CCNY: variants seen among roughly 807,000 people sequenced by gnomAD.
CCNY encodes cyclin-Y.
CCNY carries 19 observed loss-of-function variants against 42.8 expected under a neutral mutation model. The ratio of observed to expected loss-of-function variants is 0.44; its 90% confidence interval spans 0.31 to 0.65. CCNY has a LOEUF of 0.65. Among genes scored for constraint, CCNY ranks in the 30% least tolerant of loss-of-function variants. The pLI is 0.07. For missense variants in CCNY, 370 were observed against 437.3 expected (o/e 0.85, Z 1.37); for synonymous variants, 165 against 162.7 (o/e 1.01, Z -0.11).
At chr10:35,266,290 G>C (rs1339561074) in intron 3 of CCNY, among the ~76,000 whole-genome samples, 55 of 145,862 alleles carry the variant, frequency 3.8e-4, no homozygotes, top group African/African-American at 1.2e-3. Flanking sequence ...AGTAGAGATG[G>C]GGTTTCACTA....
At chr10:35,433,242 C>T (rs908905828) in intron 1 of CCNY, among the ~76,000 whole-genome samples, 1 of 152,100 alleles carries the variant, frequency 6.6e-6, no homozygotes, top group Non-Finnish European at 1.5e-5. Context: ...TTGATTATCT[C>T]CCTCCTCCTA....
intron 5 of CCNY, among the ~76,000 whole-genome samples, chr10:35,527,857 G>T (rs1366289822): frequency 2.0e-5 from 3 of 152,174 alleles, no homozygotes; most frequent in Non-Finnish European, 4.4e-5. Flanking sequence ...TGATAGACCT[G>T]TTAGCTTGAT....
chr10:35,452,281 T>A (rs919328159), intron 1 of CCNY, among the ~76,000 whole-genome samples: 13 of 152,204 alleles, frequency 8.5e-5, no homozygotes, highest in African/African-American at 2.9e-4. Flanking sequence ...CTGCAATTAC[T>A]AGTTTGTTCT....
upstream of CCNY, among the ~76,000 whole-genome samples, chr10:35,335,440 A>C (rs545827129): frequency 3.7e-4 from 56 of 152,298 alleles, 1 homozygote; most frequent in East Asian, 9.4e-3. Context: ...TTCAATATTA[A>C]AATAGCTCTG....
At chr10:35,440,947 G>C (rs1838653651) in intron 1 of CCNY, among the ~76,000 whole-genome samples, 1 of 152,166 alleles carries the variant, frequency 6.6e-6, no homozygotes, top group Non-Finnish European at 1.5e-5. Flanking sequence ...AAGTGTACCT[G>C]GGAAGTTAAG....
At chr10:35,337,767 T>G (rs1312877444) in intron 1 of CCNY, among the ~76,000 whole-genome samples, 1 of 152,092 alleles carries the variant, frequency 6.6e-6, no homozygotes, top group Non-Finnish European at 1.5e-5. Context: ...GAGTGGCGGT[T>G]CCAGGATTAG....
intron 1 of CCNY, among the ~76,000 whole-genome samples, chr10:35,472,948 C>G (rs945144842): frequency 6.6e-6 from 1 of 152,068 alleles, no homozygotes; most frequent in African/African-American, 2.4e-5. Context: ...AGTGGAGACT[C>G]AATGCATGTT....
intron 1 of CCNY, among the ~76,000 whole-genome samples, chr10:35,355,273 T>TTAAA (rs554041866): frequency 5.3e-4 from 81 of 152,342 alleles, no homozygotes; most frequent in African/African-American, 1.9e-3. Flanking sequence ...ATATATATTT[T>TTAAA]TAAAATCCAT....
At chr10:35,453,349 A>T (rs1838959891) in intron 1 of CCNY, among the ~76,000 whole-genome samples, 1 of 152,242 alleles carries the variant, frequency 6.6e-6, no homozygotes, top group South Asian at 2.1e-4. Flanking sequence ...TTTGATCACT[A>T]CATAATTTTT....
intron 3 of CCNY, among the ~76,000 whole-genome samples, chr10:35,322,596 C>T (rs1473180963): frequency 6.6e-6 from 1 of 152,150 alleles, no homozygotes; most frequent in African/African-American, 2.4e-5. Context: ...AAAATAGTCA[C>T]ACAACACATA....
chr10:35,458,815 G>C (rs1442923284), intron 1 of CCNY, among the ~76,000 whole-genome samples: 1 of 152,164 alleles, frequency 6.6e-6, no homozygotes, highest in Non-Finnish European at 1.5e-5. Flanking sequence ...CCCCTTTCAG[G>C]GAACCAAGGC....
intron 3 of CCNY, among the ~76,000 whole-genome samples, chr10:35,252,691 G>A (rs1565052528): frequency 6.6e-6 from 1 of 151,880 alleles, no homozygotes; most frequent in Non-Finnish European, 1.5e-5. Context: ...TGGAGATCTT[G>A]CTTCTTGTTT....
intron 7 of CCNY, among the ~76,000 whole-genome samples, chr10:35,548,292 G>GTATATATATGTATATA (rs1008657264): frequency 9.7e-5 from 14 of 143,828 alleles, no homozygotes; most frequent in Non-Finnish European, 1.7e-4. Flanking sequence ...ATATATTTAT[G>GTATATATATGTATATA]TATATATATA....
chr10:35,560,523 C>T (rs1051570424), intron 8 of CCNY, among the ~76,000 whole-genome samples: 1 of 152,140 alleles, frequency 6.6e-6, no homozygotes, highest in African/African-American at 2.4e-5. Flanking sequence ...CGGAGAGCAG[C>T]CTCAGGAGAT....
intron 3 of CCNY, among the ~76,000 whole-genome samples, chr10:35,325,572 A>G (rs1029855848): frequency 2.6e-5 from 4 of 151,050 alleles, no homozygotes; most frequent in African/African-American, 4.9e-5. Flanking sequence ...CTCTGCCTAC[A>G]GGGTTCAAGC....
chr10:35,346,810 A>G (rs528854466), intron 1 of CCNY, among the ~76,000 whole-genome samples: 6 of 152,146 alleles, frequency 3.9e-5, no homozygotes, highest in Non-Finnish European at 8.8e-5. Flanking sequence ...TATTTTTTGT[A>G]GAGACAGGGT....
intron 4 of CCNY, among the ~76,000 whole-genome samples, chr10:35,517,839 G>A (rs1284329103): frequency 3.9e-5 from 6 of 152,206 alleles, no homozygotes; most frequent in Admixed American, 1.3e-4. Flanking sequence ...TTTACCCTTG[G>A]GCTGTGGTTT....
At chr10:35,541,396 A>G (rs1221594266) in intron 7 of CCNY, among the ~76,000 whole-genome samples, 1 of 152,116 alleles carries the variant, frequency 6.6e-6, no homozygotes, top group Non-Finnish European at 1.5e-5. Flanking sequence ...GATACTGGTT[A>G]TTATTATTCT....
chr10:35,354,078 G>C (rs1836487294), intron 1 of CCNY, among the ~76,000 whole-genome samples: 1 of 152,096 alleles, frequency 6.6e-6, no homozygotes, highest in African/African-American at 2.4e-5. Context: ...TCAGTTTCCT[G>C]CCACACTGGC....
Sources: gnomAD v4.1 joint callset for allele counts (sites outside exome capture counted in the v4.1 genomes callset) on GRCh38, gnomAD v4.1.1 for gene constraint, MANE v1.5 for transcripts, NCBI Gene and HGNC (gene_info 2026-07-23, HGNC 2026-07-21) for gene names.